CADPS2: variants seen among roughly 807,000 people sequenced by gnomAD.
CADPS2 encodes the protein calcium-dependent secretion activator 2.
CADPS2 carries 93 observed loss-of-function variants against 172.5 expected under a neutral mutation model. That is an observed-to-expected ratio of 0.54 (90% CI 0.46 to 0.64). The LOEUF is 0.64. Among genes scored for constraint, CADPS2 ranks in the 30% least tolerant of loss-of-function variants. The pLI is 0.00. For missense variants in CADPS2, 1,420 were observed against 1,565.9 expected (o/e 0.91, Z 1.57); for synonymous variants, 546 against 555.2 (o/e 0.98, Z 0.23).
At chr7:122,634,883 G>T (rs2076914811) in intron 3 of CADPS2, among the ~76,000 whole-genome samples, 1 of 152,060 alleles carries the variant, frequency 6.6e-6, no homozygotes, top group Non-Finnish European at 1.5e-5. Context: ...GGAAGTTTTT[G>T]ATTTCTGTCT....
At chr7:122,673,712 T>C (rs1316931391) in intron 2 of CADPS2, among the ~76,000 whole-genome samples, 1 of 152,244 alleles carries the variant, frequency 6.6e-6, no homozygotes, top group African/African-American at 2.4e-5. Flanking sequence ...ATAAAAGTTC[T>C]CCAAGTCCCC....
At chr7:122,873,632 C>T (rs567563927) in intron 1 of CADPS2, among the ~76,000 whole-genome samples, 7 of 152,232 alleles carry the variant, frequency 4.6e-5, no homozygotes, top group East Asian at 3.9e-4. Flanking sequence ...AGTAAACGTA[C>T]GTGTGCATGT....
At chr7:122,742,772 T>C (rs1481824260) in intron 1 of CADPS2, among the ~76,000 whole-genome samples, 3 of 152,146 alleles carry the variant, frequency 2.0e-5, no homozygotes, top group Non-Finnish European at 4.4e-5. Flanking sequence ...TAGTTAAGAA[T>C]TATTTTGGAA....
intron 11 of CADPS2, among the ~76,000 whole-genome samples, chr7:122,487,628 G>T (rs1048535205): frequency 6.6e-6 from 1 of 152,150 alleles, no homozygotes; most frequent in Non-Finnish European, 1.5e-5. Flanking sequence ...GAAAGGCTTA[G>T]AAATTAGCTT....
chr7:122,552,774 T>C (rs897575781), intron 8 of CADPS2, among the ~76,000 whole-genome samples: 10 of 69,272 alleles, frequency 1.4e-4, no homozygotes, highest in African/African-American at 3.6e-4. Flanking sequence ...GATAGGTTCC[T>C]GTTTTTTTTT....
chr7:122,641,405 C>A (rs1335462668), intron 3 of CADPS2, among the ~76,000 whole-genome samples: 1 of 152,078 alleles, frequency 6.6e-6, no homozygotes, highest in Non-Finnish European at 1.5e-5. Context: ...TTAGGGAATT[C>A]TTGAATTGGA....
intron 2 of CADPS2, among the ~76,000 whole-genome samples, chr7:122,732,249 T>C (rs866201697): frequency 1.3e-5 from 2 of 151,548 alleles, no homozygotes; most frequent in Non-Finnish European, 3.0e-5. Flanking sequence ...GAAAAAGAAA[T>C]ATATCTCGGG....
Position 122,576,541 on chromosome 7 carries a change from T to TTAA in CADPS2, c.1335+4635_1335+4637dup, listed in dbSNP as rs754921301. Among the ~76,000 whole-genome samples the TTAA allele has an allele frequency of 3.4e-4, 52 of 152,186 alleles. 1 individual carries two copies. The highest frequency in any genetic ancestry group is 1.0e-4 in the Non-Finnish European group (7 of 68,032). On this transcript the variant is annotated intron_variant, in intron 7 of 29. Coordinates refer to ENST00000449022, the MANE Select transcript of CADPS2 (RefSeq NM_017954.11). Reference sequence around the variant, plus strand: ...GTGTGTTCATGTTAGTGTGCATACATTAATGTACATTCTTTGTAACATAAA... The same window carrying TTAA: ...GTGTGTTCATGTTAGTGTGCATACATTAATAATGTACATTCTTTGTAACATAAA...
rs78347737 is a variant in CADPS2 at position 122,364,897 on chromosome 7, T to C, written c.3388-3884A>G. Among the ~76,000 whole-genome samples the C allele has an allele frequency of 9.9e-3, 1,511 of 152,280 alleles. 22 individuals are homozygous for C. The highest frequency in any genetic ancestry group is 0.034 in the African/African-American group (1,417 of 41,536). ...CACATGACACAAGGCAGAAGTGTTA[T>C]GGGCAGTGTAGACAGTAAGCAGTAT... On this transcript the variant is annotated intron_variant, in intron 25 of 29. Coordinates refer to ENST00000449022, the MANE Select transcript of CADPS2 (RefSeq NM_017954.11).
At chr7:122,669,728 T>G (rs1046783556) in intron 2 of CADPS2, among the ~76,000 whole-genome samples, 3 of 152,032 alleles carry the variant, frequency 2.0e-5, no homozygotes, top group African/African-American at 7.2e-5. Flanking sequence ...ACACATACTC[T>G]GAAGGCCATC....
intron 1 of CADPS2, among the ~76,000 whole-genome samples, chr7:122,875,779 A>T (rs561919169): frequency 6.6e-6 from 1 of 152,340 alleles, no homozygotes; most frequent in East Asian, 1.9e-4. Context: ...ACTGAGGCCA[A>T]ACTGCACTTA....
At chr7:122,510,908 T>C (rs1048839565) in intron 9 of CADPS2, among the ~76,000 whole-genome samples, 1 of 152,204 alleles carries the variant, frequency 6.6e-6, no homozygotes, top group Admixed American at 6.6e-5. Flanking sequence ...TAAGATTCAC[T>C]TGTGTTTAAA....
At chr7:122,477,752 T>C (rs2056870372) in intron 12 of CADPS2, among the ~76,000 whole-genome samples, 1 of 152,108 alleles carries the variant, frequency 6.6e-6, no homozygotes, top group Non-Finnish European at 1.5e-5. Flanking sequence ...CAGATGCAAA[T>C]TAGCAAATCT....
intron 8 of CADPS2, among the ~76,000 whole-genome samples, chr7:122,546,130 G>A (rs946581975): frequency 3.3e-5 from 5 of 152,044 alleles, no homozygotes; most frequent in African/African-American, 7.2e-5. Flanking sequence ...TCATGTCATC[G>A]ACACTGGTAT....
intron 3 of CADPS2, among the ~76,000 whole-genome samples, chr7:122,632,120 G>A (rs1407682620): frequency 6.6e-6 from 1 of 152,098 alleles, no homozygotes; most frequent in Admixed American, 6.6e-5. Flanking sequence ...GGGCACCTAT[G>A]TTAATACCAG....
At chr7:122,734,356 T>TTAA (rs2091942285) in intron 2 of CADPS2, among the ~76,000 whole-genome samples, 4 of 46,294 alleles carry the variant, frequency 8.6e-5, no homozygotes, top group Non-Finnish European at 1.5e-4. Flanking sequence ...CCAGAAATAG[T>TTAA]AAAAAAAAAA....
intron 1 of CADPS2, among the ~76,000 whole-genome samples, chr7:122,861,669 G>A (rs1816977514): frequency 6.6e-6 from 1 of 152,148 alleles, no homozygotes; most frequent in Non-Finnish European, 1.5e-5. Context: ...CTAGAATAGA[G>A]GATTTTTAAT....
intron 8 of CADPS2, among the ~76,000 whole-genome samples, chr7:122,517,752 G>A (rs1443851900): frequency 6.6e-6 from 1 of 151,742 alleles, no homozygotes; most frequent in African/African-American, 2.4e-5. Context: ...CTCAAGTTTT[G>A]GAATTTAGAG....
chr7:122,816,954 G>A (rs1358630757), intron 1 of CADPS2, among the ~76,000 whole-genome samples: 1 of 151,572 alleles, frequency 6.6e-6, no homozygotes, highest in African/African-American at 2.4e-5. Context: ...GGCTCAAAAA[G>A]CACCCCCACT....
Sources: allele counts gnomAD v4.1 joint callset (sites outside exome capture counted in the v4.1 genomes callset), GRCh38; gene constraint gnomAD v4.1.1; transcripts MANE v1.5; gene names NCBI Gene and HGNC (gene_info 2026-07-23, HGNC 2026-07-21).